The following SPATA13 variants were observed in gnomAD, a reference collection of about 807,000 sequenced individuals.
The protein encoded by SPATA13 is spermatogenesis associated 13, also known as spermatogenesis-associated protein 13.
A neutral mutation model predicts 104.0 loss-of-function variants in SPATA13; 50 were observed. That is an observed-to-expected ratio of 0.48 (90% CI 0.38 to 0.61). The LOEUF (loss-of-function observed/expected upper bound fraction) is 0.61, where lower values mean the gene tolerates loss of function less well. Ranked by LOEUF, SPATA13 falls within the 20% of genes least tolerant of loss-of-function variation. SPATA13 has a pLI of 0.00. For missense variants in SPATA13, 1,524 were observed against 1,690.6 expected, an observed-to-expected ratio of 0.90 and a Z score of 1.73; for synonymous variants, 606 against 667.5, an observed-to-expected ratio of 0.91 and a Z score of 1.42.
At chr13:24,127,034 C>T (rs779477708) in intron 3 of SPATA13, among the ~76,000 whole-genome samples, 2 of 152,046 alleles carry the variant, frequency 1.3e-5, no homozygotes, top group East Asian at 1.9e-4. Context: ...AGACCAGTTC[C>T]GAGGTTTGTA....
intron 1 of SPATA13, among the ~76,000 whole-genome samples, chr13:24,191,852 A>G (rs1227562117): frequency 1.3e-5 from 2 of 152,110 alleles, no homozygotes; most frequent in Non-Finnish European, 2.9e-5. Flanking sequence ...ATACCTCATC[A>G]GAGTAATGAA....
intron 3 of SPATA13, among the ~76,000 whole-genome samples, chr13:24,124,217 ATT>A (rs988653118): frequency 6.6e-6 from 1 of 152,138 alleles, no homozygotes; most frequent in African/African-American, 2.4e-5. Context: ...GTTTTTAAAG[ATT>A]TGTTTGGTGT....
rs142543974 is a variant in SPATA13 at position 24,080,365 on chromosome 13, A to T, written c.-112+62664A>T. Among the ~76,000 whole-genome samples, 520 of 152,384 alleles carry T rather than the reference A, an allele frequency of 3.4e-3. 6 individuals carry two copies. Among genetic ancestry groups the T allele is most frequent in the African/African-American group, 0.012 (503 of 41,598 alleles). ...GCTGTGAAGAGAATAAGCAGGAACC[A>T]ACGACTTACTAGAAATGAGAACAAA... is the stretch of plus-strand genomic sequence containing the variant. On this transcript the variant is annotated intron_variant, in intron 3 of 14. Coordinates refer to the SPATA13 transcript ENST00000424834.
At chr13:24,187,354 A>G (rs754041956) in intron 1 of SPATA13, among the ~76,000 whole-genome samples, 3 of 151,968 alleles carry the variant, frequency 2.0e-5, no homozygotes, top group Non-Finnish European at 4.4e-5. Flanking sequence ...AGCTATCTTC[A>G]GTTCTCAGTG....
chr13:24,276,455 A>T (rs1430090644), intron 4 of SPATA13, among the ~76,000 whole-genome samples: 1 of 152,254 alleles, frequency 6.6e-6, no homozygotes, highest in Non-Finnish European at 1.5e-5. Flanking sequence ...TAAAGTAGTC[A>T]ACATCATAGA....
chr13:24,109,149 C>T (rs573098844), intron 3 of SPATA13, among the ~76,000 whole-genome samples: 3 of 152,174 alleles, frequency 2.0e-5, no homozygotes, highest in South Asian at 4.2e-4. Flanking sequence ...GTGATGTTCC[C>T]GCCCTCTGTC....
chr13:24,257,153 A>G (rs544611858), intron 4 of SPATA13, among the ~76,000 whole-genome samples: 3 of 152,272 alleles, frequency 2.0e-5, no homozygotes, highest in African/African-American at 7.2e-5. Context: ...TCTTACTTTG[A>G]ATTTCCCTTT....
In SPATA13 at chr13:24,235,612, C is replaced by A. The variant is rs796692735; in HGVS notation, c.1653+11030C>A. Among the ~76,000 whole-genome samples the A allele has an allele frequency of 3.9e-5, 6 of 152,140 alleles. No individual in the cohort carries two copies. In the South Asian group the frequency reaches 1.2e-3, roughly 32 times the overall value. On this transcript the variant is annotated intron_variant, in intron 2 of 12. Transcript: ENST00000382108. ...TTGTCTCTTAAAAAAAAATAAAAAG[C>A]CAGGTGTGGTGGTGCAAGCCTGTGG...
chr13:24,022,736 G>T (rs1877041189), intron 3 of SPATA13, among the ~76,000 whole-genome samples: 1 of 152,144 alleles, frequency 6.6e-6, no homozygotes, highest in African/African-American at 2.4e-5. Context: ...GGGAGGATTT[G>T]GGGTCACCAT....
chr13:24,108,841 T>C (rs1880543302), intron 3 of SPATA13, among the ~76,000 whole-genome samples: 1 of 152,188 alleles, frequency 6.6e-6, no homozygotes, highest in African/African-American at 2.4e-5. Context: ...TACTCTGGGC[T>C]GCAGTTTACT....
intron 4 of SPATA13, among the ~76,000 whole-genome samples, chr13:24,255,110 C>T (rs1873720110): frequency 6.6e-6 from 1 of 152,226 alleles, no homozygotes; most frequent in Non-Finnish European, 1.5e-5. Flanking sequence ...CGAGCTAAAT[C>T]CTTGCCTTGC....
At chr13:24,242,017 A>T (rs866928264) in intron 2 of SPATA13, among the ~76,000 whole-genome samples, 7 of 152,190 alleles carry the variant, frequency 4.6e-5, no homozygotes, top group Middle Eastern at 3.4e-3. Context: ...CGCGCTACTT[A>T]CTTCAATCTG....
At chr13:24,224,636 C>G (rs1444431507) in intron 2 of SPATA13, 54 bp downstream of exon 2, 1 of 1,523,390 alleles carries the variant, frequency 6.6e-7, no homozygotes, top group Non-Finnish European at 8.8e-7. Context: ...GGGAAGGGAG[C>G]TTGCACAGGT....
At chr13:24,151,736 G>C (rs1384102355) in intron 3 of SPATA13, among the ~76,000 whole-genome samples, 1 of 152,124 alleles carries the variant, frequency 6.6e-6, no homozygotes, top group East Asian at 1.9e-4. Flanking sequence ...AATATTAGCA[G>C]TTCCTACCAT....
intron 3 of SPATA13, chr13:24,017,752 C>T: frequency 1.0e-6 from 1 of 959,288 alleles, no homozygotes. Context: ...CTTCTTTCTC[C>T]TTTAAATCCT....
rs1877515030 is a variant in SPATA13 at position 24,305,423 on chromosome 13, A to G, written c.*2650A>G. ...ATTTTGAAAACTGCTAACATTTTTAAAAGGCTAGAACATCCTTTGACTTCT... is the reference window on the plus strand; with the variant it reads ...ATTTTGAAAACTGCTAACATTTTTAGAAGGCTAGAACATCCTTTGACTTCT... On this transcript the variant is annotated 3_prime_UTR_variant, in exon 13 of 13. Transcript: ENST00000382108. The G allele has an allele frequency of 6.6e-6, 1 of 152,234 alleles. No individual in the cohort carries two copies. The highest frequency in any genetic ancestry group is 2.1e-4 in the South Asian group (1 of 4,834). The allele number at this position is 152,234 out of a possible 1,614,324, so 9.4% of individuals were successfully genotyped here. A position where few individuals can be genotyped will look rare whatever the true frequency, so the allele number is the denominator to read the frequency against.
At chr13:24,250,890 T>A (rs1873440957) in intron 3 of SPATA13, among the ~76,000 whole-genome samples, 1 of 152,234 alleles carries the variant, frequency 6.6e-6, no homozygotes, top group Non-Finnish European at 1.5e-5. Context: ...AGAAAGGGTT[T>A]CACTTCAGAG....
At chr13:24,131,326 A>T (rs977524940) in intron 3 of SPATA13, among the ~76,000 whole-genome samples, 1 of 152,152 alleles carries the variant, frequency 6.6e-6, no homozygotes, top group Non-Finnish European at 1.5e-5. Flanking sequence ...ACTTGTGCAG[A>T]AAGCATTGCC....
chr13:24,278,651 A>C, intron 4 of SPATA13: 1 of 1,497,902 alleles, frequency 6.7e-7, no homozygotes, highest in Non-Finnish European at 8.8e-7. Flanking sequence ...TGAGGCTCAA[A>C]GCACACCAAT....
Sources: gnomAD v4.1 joint callset for allele counts (sites outside exome capture counted in the v4.1 genomes callset) on GRCh38, gnomAD v4.1.1 for gene constraint, MANE v1.5 for transcripts, NCBI Gene and HGNC (gene_info 2026-07-23, HGNC 2026-07-21) for gene names.